The following DOK6 variants were observed in gnomAD, a reference collection of about 807,000 sequenced individuals.
The protein encoded by DOK6 is docking protein 6.
DOK6 carries 22 observed loss-of-function variants against 44.0 expected under a neutral mutation model. That is an observed-to-expected ratio of 0.50 (90% CI 0.36 to 0.71). DOK6 has a LOEUF of 0.71. Among genes scored for constraint, DOK6 ranks in the 30% least tolerant of loss-of-function variants. The pLI, the probability that DOK6 is intolerant of heterozygous loss-of-function variation, is 0.00. For missense variants in DOK6, 340 were observed against 416.4 expected, an observed-to-expected ratio of 0.82 and a Z score of 1.60; for synonymous variants, 166 against 145.5, an observed-to-expected ratio of 1.14 and a Z score of -1.01.
chr18:69,623,445 A>G (rs894198339), intron 3 of DOK6, among the ~76,000 whole-genome samples: 1 of 152,212 alleles, frequency 6.6e-6, no homozygotes, highest in East Asian at 1.9e-4. Context: ...CTAAAAATTA[A>G]CAAAGAAGGT....
At chr18:69,414,993 G>A (rs1385830104) in intron 1 of DOK6, among the ~76,000 whole-genome samples, 1 of 152,022 alleles carries the variant, frequency 6.6e-6, no homozygotes, top group Non-Finnish European at 1.5e-5. Context: ...GTAACCTATA[G>A]TAAGTTTCAA....
intron 1 of DOK6, among the ~76,000 whole-genome samples, chr18:69,404,589 T>C (rs1420319004): frequency 2.6e-5 from 4 of 152,198 alleles, no homozygotes; most frequent in Non-Finnish European, 5.9e-5. Context: ...TGCTATACCT[T>C]GACTTATTCT....
chr18:69,630,258 A>G (rs1407967762), intron 3 of DOK6, among the ~76,000 whole-genome samples: 1 of 152,086 alleles, frequency 6.6e-6, no homozygotes, highest in Non-Finnish European at 1.5e-5. Flanking sequence ...ACACTTGACC[A>G]TTTTACATGT....
At chr18:69,698,918 G>T (rs888363280) in intron 5 of DOK6, among the ~76,000 whole-genome samples, 1 of 152,096 alleles carries the variant, frequency 6.6e-6, no homozygotes, top group African/African-American at 2.4e-5. Flanking sequence ...GTGCCTGTAT[G>T]CAAAAGGACC....
chr18:69,433,973 C>G (rs537034705), intron 1 of DOK6, among the ~76,000 whole-genome samples: 1 of 152,322 alleles, frequency 6.6e-6, no homozygotes, highest in South Asian at 2.1e-4. Context: ...TTTATAGCCT[C>G]AACTACAGCA....
chr18:69,413,966 T>C (rs908888055), intron 1 of DOK6, among the ~76,000 whole-genome samples: 1 of 151,882 alleles, frequency 6.6e-6, no homozygotes. Flanking sequence ...AGTTGACATA[T>C]ATACAAATAA....
intron 1 of DOK6, among the ~76,000 whole-genome samples, chr18:69,423,393 T>G (rs1978550179): frequency 6.6e-6 from 1 of 152,212 alleles, no homozygotes; most frequent in Non-Finnish European, 1.5e-5. Context: ...ACTGAAGAGT[T>G]GCCTTTGGTA....
chr18:69,602,005 C>A (rs1370101113), intron 3 of DOK6, among the ~76,000 whole-genome samples: 1 of 152,158 alleles, frequency 6.6e-6, no homozygotes, highest in East Asian at 1.9e-4. Flanking sequence ...TTTAGCAATG[C>A]TTGATGAATA....
At chr18:69,625,267 G>A (rs1984532087) in intron 3 of DOK6, among the ~76,000 whole-genome samples, 1 of 152,102 alleles carries the variant, frequency 6.6e-6, no homozygotes, top group South Asian at 2.1e-4. Context: ...ACATTTTCAT[G>A]AGTTAACACC....
chr18:69,576,365 GGTTA>G (rs956454802), intron 2 of DOK6, among the ~76,000 whole-genome samples: 6 of 151,414 alleles, frequency 4.0e-5, no homozygotes, highest in African/African-American at 1.2e-4. Context: ...CAAAGTAACT[GGTTA>G]GTTACAAGTT....
At chr18:69,635,114 T>G (rs2144649640) in intron 3 of DOK6, among the ~76,000 whole-genome samples, 1 of 152,308 alleles carries the variant, frequency 6.6e-6, no homozygotes, top group African/African-American at 2.4e-5. Context: ...TCTGTGGCTC[T>G]TAGTTCTGCT....
chr18:69,792,436 T>G (rs11872365), intron 7 of DOK6, among the ~76,000 whole-genome samples: 7,432 of 151,852 alleles, frequency 0.049, 598 homozygotes, highest in African/African-American at 0.17. Flanking sequence ...TGTTTTACGG[T>G]TTTTTTTGTA....
intron 2 of DOK6, among the ~76,000 whole-genome samples, chr18:69,568,041 GC>G (rs1983027434): frequency 6.6e-6 from 1 of 152,184 alleles, no homozygotes; most frequent in Admixed American, 6.5e-5. Context: ...CCCGCGGCCT[GC>G]CTTCAGGCAA....
intron 7 of DOK6, among the ~76,000 whole-genome samples, chr18:69,791,677 C>A (rs1384281317): frequency 1.3e-5 from 2 of 152,072 alleles, no homozygotes; most frequent in African/African-American, 4.8e-5. Context: ...GGGGAGTTTG[C>A]AGATATTTTC....
At chr18:69,555,034 C>T (rs1048267859) in intron 1 of DOK6, among the ~76,000 whole-genome samples, 11 of 152,082 alleles carry the variant, frequency 7.2e-5, no homozygotes, top group African/African-American at 1.9e-4. Context: ...TTAACAGTTA[C>T]GTGTGTGGCA....
intron 5 of DOK6, among the ~76,000 whole-genome samples, chr18:69,737,915 C>T (rs986723049): frequency 1.3e-4 from 20 of 152,194 alleles, no homozygotes; most frequent in Non-Finnish European, 8.8e-5. Context: ...AAGATGCACT[C>T]GCTACTTATC....
At chr18:69,707,719 T>C (rs1471901905) in intron 5 of DOK6, among the ~76,000 whole-genome samples, 1 of 152,186 alleles carries the variant, frequency 6.6e-6, no homozygotes, top group East Asian at 1.9e-4. Context: ...TCAGCAGGTG[T>C]CCCTTCTGTT....
At position 69,646,121 on chromosome 18, in the gene DOK6, T is replaced by C. The variant is rs147217981; in HGVS notation, c.290-31613T>C. Among the ~76,000 whole-genome samples, 8 of 152,304 alleles carry C rather than the reference T, an allele frequency of 5.3e-5. No homozygotes were observed. In the East Asian group the frequency reaches 1.5e-3, roughly 29 times the overall value. On this transcript the variant is annotated intron_variant, in intron 3 of 7. Coordinates refer to ENST00000382713, the MANE Select transcript of DOK6 (RefSeq NM_152721.6). Reference sequence around the variant, plus strand: ...GATTCTTTTAAATTTCCCCAGCATGTAATAGACCCCTTCAAAATGTAGATT... The same window carrying C: ...GATTCTTTTAAATTTCCCCAGCATGCAATAGACCCCTTCAAAATGTAGATT...
chr18:69,747,626 A>C (rs1873948835), intron 6 of DOK6, among the ~76,000 whole-genome samples: 1 of 150,400 alleles, frequency 6.6e-6, no homozygotes, highest in South Asian at 2.1e-4. Flanking sequence ...ATCAGCATCA[A>C]AGTCTAAAGA....
Sources: allele counts gnomAD v4.1 joint callset (sites outside exome capture counted in the v4.1 genomes callset), GRCh38; gene constraint gnomAD v4.1.1; transcripts MANE v1.5; gene names NCBI Gene and HGNC (gene_info 2026-07-23, HGNC 2026-07-21).